The following ANKRD13A variants were observed in gnomAD, a reference collection of about 807,000 sequenced individuals.
ANKRD13A encodes the protein ankyrin repeat domain-containing protein 13A.
Under a neutral mutation model 81.3 loss-of-function variants are expected in ANKRD13A, and 48 were observed. The observed-to-expected ratio is 0.59, with a 90% CI of 0.47 to 0.75. ANKRD13A has a LOEUF of 0.75. Among genes scored for constraint, ANKRD13A ranks in the 30% least tolerant of loss-of-function variants. The pLI, the probability that ANKRD13A is intolerant of heterozygous loss-of-function variation, is 0.00. For synonymous variants in ANKRD13A, 230 were observed against 270.1 expected (o/e 0.85, Z 1.45); for missense variants, 612 against 734.0 (o/e 0.83, Z 1.92).
chr12:110,017,761 C>T (rs150797695), intron 4 of ANKRD13A, among the ~76,000 whole-genome samples: 1,729 of 151,980 alleles, frequency 0.011, 37 homozygotes, highest in Middle Eastern at 0.037. Flanking sequence ...GGTGAAACCC[C>T]GTCTCTACAA....
intron 3 of ANKRD13A, among the ~76,000 whole-genome samples, chr12:110,014,089 T>G (rs1209580992): frequency 6.6e-6 from 1 of 152,094 alleles, no homozygotes; most frequent in Non-Finnish European, 1.5e-5. Flanking sequence ...AATTAATAGC[T>G]CTATCGAGAA....
chr12:110,001,041 G>GC, intron 1 of ANKRD13A, among the ~76,000 whole-genome samples: 1 of 151,716 alleles, frequency 6.6e-6, no homozygotes, highest in South Asian at 2.1e-4. Flanking sequence ...ACAGGTGTGA[G>GC]CCACCACGCC....
Position 110,038,388 on chromosome 12 carries a change from G to A in ANKRD13A, c.*834G>A, listed in dbSNP as rs1892187806. On this transcript the variant is annotated 3_prime_UTR_variant, in exon 15 of 15. Coordinates refer to ENST00000261739, the MANE Select transcript of ANKRD13A (RefSeq NM_033121.2). Reference sequence around the variant, plus strand: ...GGGGAACCTGAGGCTTGTTCTTGAAGTGGGCAAGCTGGCCAAAATATTGGA... The same window carrying A: ...GGGGAACCTGAGGCTTGTTCTTGAAATGGGCAAGCTGGCCAAAATATTGGA... 6.6e-6 allele frequency: 1 copy of A among 152,636 alleles called. No individual in the cohort carries two copies. Among genetic ancestry groups the A allele is most frequent in the South Asian group, 2.1e-4 (1 of 4,838 alleles). 9.5% of individuals were successfully genotyped at this position (152,636 alleles called of 1,614,324 possible).
chr12:110,015,160 C>T (rs2137114667), intron 3 of ANKRD13A, among the ~76,000 whole-genome samples: 1 of 152,208 alleles, frequency 6.6e-6, no homozygotes. Context: ...TAATCCTAAA[C>T]AGGGCTGCTG....
Position 110,037,978 on chromosome 12 carries a change from A to G in ANKRD13A, c.*424A>G, listed in dbSNP as rs1892168006. On this transcript the variant is annotated 3_prime_UTR_variant, in exon 15 of 15. Transcript: ENST00000261739. Reference sequence around the variant, plus strand: ...CAGCCGCCTTTGTAAAGTGTGATCTATGAGAATTGGAGACACTTCTTTACT... The same window carrying G: ...CAGCCGCCTTTGTAAAGTGTGATCTGTGAGAATTGGAGACACTTCTTTACT... The G allele has an allele frequency of 6.3e-6, 1 of 157,760 alleles. No homozygotes were observed. The highest frequency in any genetic ancestry group is 1.4e-5 in the Non-Finnish European group (1 of 71,420). 9.8% of individuals were successfully genotyped at this position (157,760 alleles called of 1,614,324 possible).
rs760058536 is a variant in ANKRD13A, at chr12:110,005,029, C to T, written c.96+5245C>T. On this transcript the variant is annotated intron_variant, in intron 1 of 14. Coordinates refer to ENST00000261739, the MANE Select transcript of ANKRD13A (RefSeq NM_033121.2). The stretch of plus-strand genomic sequence containing the variant: ...TGATTTTTTCAAAAGATTTTTATTG[C>T]GATATAGTTCACTTATATAATCTAC... Among the ~76,000 whole-genome samples the T allele has an allele frequency of 3.3e-5, 5 of 152,056 alleles. No homozygotes were observed. The East Asian group carries it at 7.7e-4, about 23-fold the overall frequency.
rs538742035 is a variant in ANKRD13A, at chr12:110,025,759, T to C, written c.819T>C (p.Asn273=). The change falls in exon 8 of 15, where the codon AAT becomes AAC. Residue 273 remains asparagine, a synonymous_variant. Transcript: ENST00000261739. ...CCTCTCAGGTTTACACAGTAAACAATGTGAATGTGATCACCAAAATACGCA... is the reference window on the plus strand; with the variant it reads ...CCTCTCAGGTTTACACAGTAAACAACGTGAATGTGATCACCAAAATACGCA... ...GYEAKVYTVN[N]VNVITKIRTE... 4 of 1,613,334 alleles carry C rather than the reference T, an allele frequency of 2.5e-6. No homozygotes were observed. Among genetic ancestry groups the C allele is most frequent in the East Asian group, 2.2e-5 (1 of 44,822 alleles).
At position 110,018,491 on chromosome 12, in the gene ANKRD13A, G is replaced by A; in HGVS notation, c.544+3G>A. ...TAGTTTTATATTTAAGGGAGAAGGT[G>A]AGTGACTTCTCTTGTAGTAATCACT... On this transcript the variant is annotated splice_donor_region_variant and intron_variant, in intron 5 of 14. Coordinates refer to ENST00000261739, the MANE Select transcript of ANKRD13A (RefSeq NM_033121.2). The surrounding 1 kb of genome is among the most constrained non-coding windows in gnomAD (Gnocchi z 4.4). 2.5e-6 allele frequency: 4 copies of A among 1,613,414 alleles called. No homozygotes were observed. The highest frequency in any genetic ancestry group is 3.4e-6 in the Non-Finnish European group (4 of 1,179,536).
chr12:110,009,905 C>T (rs1890427701), intron 1 of ANKRD13A, among the ~76,000 whole-genome samples: 1 of 152,212 alleles, frequency 6.6e-6, no homozygotes, highest in African/African-American at 2.4e-5. Flanking sequence ...CGCTCTGTCA[C>T]CCAGGCTGGA....
chr12:110,008,265 A>G (rs937959911), intron 1 of ANKRD13A, among the ~76,000 whole-genome samples: 1 of 152,026 alleles, frequency 6.6e-6, no homozygotes, highest in African/African-American at 2.4e-5. Flanking sequence ...ATGATCATGT[A>G]TTTTGTTTTA....
Position 110,012,256 on chromosome 12 carries a change from T to C in ANKRD13A, c.229+119T>C, listed in dbSNP as rs576550824. 5.8e-6 allele frequency: 7 copies of C among 1,206,104 alleles called. No individual in the cohort carries two copies. The South Asian group carries it at 1.2e-4, about 21-fold the overall frequency. The allele number at this position is 1,206,104 out of a possible 1,614,324, so 74.7% of individuals were successfully genotyped here. On this transcript the variant is annotated intron_variant, in intron 2 of 14. Coordinates refer to ENST00000261739, the MANE Select transcript of ANKRD13A (RefSeq NM_033121.2). Reference sequence around the variant, plus strand: ...GGTGCATGTCTGTAGTACCAGCTACTCAGGAGGCTGAGGGGGTAGGATCAC... The same window carrying C: ...GGTGCATGTCTGTAGTACCAGCTACCCAGGAGGCTGAGGGGGTAGGATCAC...
At chr12:110,034,477 T>A (rs1891904905) in intron 13 of ANKRD13A, among the ~76,000 whole-genome samples, 1 of 152,074 alleles carries the variant, frequency 6.6e-6, no homozygotes, top group African/African-American at 2.4e-5. Flanking sequence ...GTTGCCCAAG[T>A]CGGAGTGCAG....
At chr12:110,032,408 G>A (rs1891745243) in intron 12 of ANKRD13A, 1 of 152,110 alleles carries the variant, frequency 6.6e-6, no homozygotes, top group Admixed American at 6.6e-5. Context: ...AAAAACAATT[G>A]AACTCGACAA....
chr12:110,024,936 C>G (rs535454469), intron 7 of ANKRD13A, among the ~76,000 whole-genome samples: 1 of 152,188 alleles, frequency 6.6e-6, no homozygotes, highest in Non-Finnish European at 1.5e-5. Context: ...TGTCAGTGCA[C>G]AGAATGCCTT....
At chr12:110,008,198 T>G (rs1046706935) in intron 1 of ANKRD13A, among the ~76,000 whole-genome samples, 2 of 152,196 alleles carry the variant, frequency 1.3e-5, no homozygotes, top group Non-Finnish European at 2.9e-5. Flanking sequence ...GGTTTTTTTC[T>G]TTTAATCATG....
At chr12:110,002,280 G>C (rs1890020578) in intron 1 of ANKRD13A, among the ~76,000 whole-genome samples, 1 of 152,124 alleles carries the variant, frequency 6.6e-6, no homozygotes, top group Admixed American at 6.6e-5. Flanking sequence ...CTATATTCCA[G>C]TTTTTCTGCA....
chr12:110,007,687 C>A (rs1890310277), intron 1 of ANKRD13A, among the ~76,000 whole-genome samples: 1 of 152,044 alleles, frequency 6.6e-6, no homozygotes, highest in African/African-American at 2.4e-5. Flanking sequence ...GCCAGTTCTT[C>A]TTTAATTTTT....
At chr12:110,007,942 C>T (rs1414649707) in intron 1 of ANKRD13A, among the ~76,000 whole-genome samples, 1 of 152,144 alleles carries the variant, frequency 6.6e-6, no homozygotes, top group Non-Finnish European at 1.5e-5. Flanking sequence ...GGATTTTATA[C>T]ACAAGATCAT....
intron 1 of ANKRD13A, among the ~76,000 whole-genome samples, chr12:110,006,688 C>T (rs1890259159): frequency 6.6e-6 from 1 of 151,146 alleles, no homozygotes; most frequent in East Asian, 1.9e-4. Flanking sequence ...CCTCCGCCTC[C>T]CAGGTTCAAG....
Sources: allele counts gnomAD v4.1 joint callset (sites outside exome capture counted in the v4.1 genomes callset), GRCh38; gene constraint gnomAD v4.1.1; non-coding constraint Gnocchi (gnomAD v3.1); transcripts MANE v1.5; gene names NCBI Gene and HGNC (gene_info 2026-07-23, HGNC 2026-07-21).